Variants in CDON observed in about 807,000 individuals in gnomAD.
CDON encodes the protein cell adhesion molecule-related/down-regulated by oncogenes.
A neutral mutation model predicts 120.9 loss-of-function variants in CDON; 73 were observed. That is an observed-to-expected ratio of 0.60 (90% CI 0.50 to 0.73). The LOEUF (loss-of-function observed/expected upper bound fraction) is 0.73, where lower values mean the gene tolerates loss of function less well. CDON is among the 30% of genes least tolerant of loss of function. The pLI is 0.00. For synonymous variants in CDON, 566 were observed against 573.5 expected (o/e 0.99, Z 0.19); for missense variants, 1,470 against 1,587.3 (o/e 0.93, Z 1.26).
Position 126,005,994 on chromosome 11 carries a change from T to A in CDON, c.1616A>T (p.Asp539Val), listed in dbSNP as rs1256972036. 1 of 1,614,170 alleles carries A rather than the reference T, an allele frequency of 6.2e-7. No individual in the cohort carries two copies. The highest frequency in any genetic ancestry group is 8.5e-7 in the Non-Finnish European group (1 of 1,180,004). Residue 539 changes from aspartate to valine, a missense_variant, in exon 9 of 20, where the codon GAC becomes GTC. Transcript: ENST00000531738. ...TTCTGAACCATCTCTCTTACTTCTG[T>A]CATCATTCTGAGCAGCATCAGGAAG... Reference protein sequence around the residue: ...VTLPDAAQNDDRSKRDGSETG... With the variant: ...VTLPDAAQNDVRSKRDGSETG...
intron 17 of CDON, 109 bp downstream of exon 17, chr11:125,980,940 G>T (rs1946276798): frequency 9.0e-7 from 1 of 1,116,966 alleles, no homozygotes; most frequent in Non-Finnish European, 1.4e-6. Context: ...TTCCATTCGA[G>T]GAAACTTGTG....
chr11:125,980,758 T>C (rs894255934), intron 17 of CDON, among the ~76,000 whole-genome samples: 1 of 152,232 alleles, frequency 6.6e-6, no homozygotes, highest in Non-Finnish European at 1.5e-5. Flanking sequence ...GTATTTGGTA[T>C]TTCCATTTCA....
At chr11:126,014,077 G>C (rs1165414992) in intron 7 of CDON, among the ~76,000 whole-genome samples, 1 of 151,900 alleles carries the variant, frequency 6.6e-6, no homozygotes, top group Non-Finnish European at 1.5e-5. Context: ...TTTAAAAATT[G>C]TTTTCATTAT....
At chr11:126,048,381 T>C (rs938148657) in intron 1 of CDON, among the ~76,000 whole-genome samples, 3 of 152,000 alleles carry the variant, frequency 2.0e-5, no homozygotes, top group African/African-American at 7.2e-5. Context: ...CACATTCCCA[T>C]CACACATTGT....
intron 8 of CDON, among the ~76,000 whole-genome samples, chr11:126,007,043 T>C (rs1947148559): frequency 6.6e-6 from 1 of 152,112 alleles, no homozygotes; most frequent in Admixed American, 6.5e-5. Flanking sequence ...TGAAAACAAA[T>C]ATACTGCCAG....
chr11:126,001,940 T>C, intron 10 of CDON, 90 bp from the exon 11 acceptor site: 1 of 938,264 alleles, frequency 1.1e-6, no homozygotes, highest in Non-Finnish European at 1.7e-6. Flanking sequence ...ACCTGGTATG[T>C]GGTTATAAAT....
intron 14 of CDON, 54 bp from the exon 15 acceptor site, chr11:125,989,813 A>C: frequency 6.5e-7 from 1 of 1,537,026 alleles, no homozygotes; most frequent in East Asian, 2.3e-5. Flanking sequence ...TGATAATGTC[A>C]ATATAATTAG....
intron 18 of CDON, among the ~76,000 whole-genome samples, chr11:125,977,799 G>C (rs1339898127): frequency 6.6e-6 from 1 of 150,480 alleles, no homozygotes; most frequent in Non-Finnish European, 1.5e-5. Context: ...TCAAAGCAAG[G>C]GTTTGCTGCT....
At chr11:126,002,072 T>C (rs1482008655) in intron 10 of CDON, among the ~76,000 whole-genome samples, 3 of 151,794 alleles carry the variant, frequency 2.0e-5, no homozygotes, top group Non-Finnish European at 2.9e-5. Flanking sequence ...AAAGCTAAAA[T>C]GTCTTTCTTC....
chr11:126,052,115 CAAAACA>C (rs1233600179), intron 1 of CDON, among the ~76,000 whole-genome samples: 60 of 148,242 alleles, frequency 4.0e-4, no homozygotes, highest in Middle Eastern at 3.6e-3. Flanking sequence ...CAAAACAAAA[CAAAACA>C]AAAAAAACTT....
chr11:126,045,151 G>A (rs1252184560), intron 1 of CDON, among the ~76,000 whole-genome samples: 8 of 151,998 alleles, frequency 5.3e-5, no homozygotes, highest in African/African-American at 9.7e-5. Flanking sequence ...TCAGCCTCCC[G>A]AGTAGCTGGG....
chr11:126,021,583 A>C, intron 2 of CDON, 63 bp from the exon 3 acceptor site: 1 of 1,366,058 alleles, frequency 7.3e-7, no homozygotes, highest in African/African-American at 1.4e-5. Flanking sequence ...GAGAAAGAAG[A>C]TTACATTAAA....
At chr11:125,993,024 G>A (rs2134511074) in intron 14 of CDON, among the ~76,000 whole-genome samples, 1 of 152,278 alleles carries the variant, frequency 6.6e-6, no homozygotes, top group East Asian at 1.9e-4. Flanking sequence ...CTTTGTGGGG[G>A]AACCTATGCT....
At chr11:126,040,209 A>G (rs556639774) in intron 1 of CDON, among the ~76,000 whole-genome samples, 5 of 152,182 alleles carry the variant, frequency 3.3e-5, no homozygotes, top group African/African-American at 9.7e-5. Context: ...CCTTCCACTC[A>G]GTTTTGCCGT....
chr11:126,050,486 T>G (rs1239446131), intron 1 of CDON, among the ~76,000 whole-genome samples: 2 of 138,102 alleles, frequency 1.4e-5, no homozygotes, highest in African/African-American at 2.9e-5. Context: ...ACATTTCCTG[T>G]AAGTAGCAAA....
Position 125,957,782 on chromosome 11 carries a change from C to T in CDON, c.*3160G>A, listed in dbSNP as rs767240187. 16 of 152,196 alleles carry T rather than the reference C, an allele frequency of 1.1e-4. No homozygotes were observed. The highest frequency in any genetic ancestry group is 2.2e-4 in the Non-Finnish European group (15 of 68,040). 9.4% of individuals were successfully genotyped at this position (152,196 alleles called of 1,614,324 possible). On this transcript the variant is annotated 3_prime_UTR_variant, in exon 20 of 20. Coordinates refer to ENST00000531738, the MANE Select transcript of CDON (RefSeq NM_001378964.1). ...GAAAGAAAGGCTTTTGCTAAGAACA[C>T]TTCAAAAGGTTTAGAACATTGCAAT...
At chr11:125,967,435 T>TCTA (rs200079477) in intron 18 of CDON, among the ~76,000 whole-genome samples, 2,179 of 152,312 alleles carry the variant, frequency 0.014, 34 homozygotes, top group Middle Eastern at 0.054. Context: ...GTAAGGTCCT[T>TCTA]CTATTATCTG....
chr11:125,969,909 TA>T (rs1945915773), intron 18 of CDON, among the ~76,000 whole-genome samples: 1 of 152,234 alleles, frequency 6.6e-6, no homozygotes, highest in Non-Finnish European at 1.5e-5. Flanking sequence ...AATATTCTTG[TA>T]AAACTATACA....
At position 125,995,055 on chromosome 11, in the gene CDON, TTG is replaced by T. The variant is rs763168972; in HGVS notation, c.2363-5_2363-4del. 2.5e-6 allele frequency: 4 copies of T among 1,611,782 alleles called. No homozygotes were observed. In the Admixed American group the frequency reaches 6.7e-5, roughly 27 times the overall value. On this transcript the variant is annotated splice_polypyrimidine_tract_variant and splice_region_variant and intron_variant, in intron 12 of 19. Coordinates refer to ENST00000531738, the MANE Select transcript of CDON (RefSeq NM_001378964.1). ...GACCCTAAATTTGTATGTTGAACCT[TTG>T]AGGGAAAACAAAAACAAACAAACAA...
Sources: gnomAD v4.1 joint callset for allele counts (sites outside exome capture counted in the v4.1 genomes callset) on GRCh38, gnomAD v4.1.1 for gene constraint, MANE v1.5 for transcripts, NCBI Gene and HGNC (gene_info 2026-07-23, HGNC 2026-07-21) for gene names.